The following PTRHD1 variants were observed in gnomAD, a reference collection of about 807,000 sequenced individuals.
The protein encoded by PTRHD1 is putative peptidyl-tRNA hydrolase PTRHD1.
Under a neutral mutation model 13.6 loss-of-function variants are expected in PTRHD1, and 12 were observed. The ratio of observed to expected loss-of-function variants is 0.88; its 90% confidence interval spans 0.57 to 1.43. The LOEUF (loss-of-function observed/expected upper bound fraction) is 1.43. Among genes scored for constraint, PTRHD1 ranks in the 40% most tolerant of loss-of-function variants. The pLI, the probability that PTRHD1 is intolerant of heterozygous loss-of-function variation, is 0.00. For synonymous variants in PTRHD1, 86 were observed against 79.5 expected (o/e 1.08, Z -0.43); for missense variants, 203 against 184.7 (o/e 1.10, Z -0.57).
intron 1 of PTRHD1, chr2:24,792,594 G>A (rs963701429): frequency 6.4e-6 from 1 of 155,184 alleles, no homozygotes; most frequent in Admixed American, 6.4e-5. Flanking sequence ...TCTAGCAGCA[G>A]GATAGAGAGT....
chr2:24,793,013 A>T, intron 1 of PTRHD1, 113 bp downstream of exon 1: 1 of 1,271,070 alleles, frequency 7.9e-7, no homozygotes. Flanking sequence ...AATGTTAACG[A>T]TCACCCCAAC....
chr2:24,792,252 C>T (rs1357467154), intron 1 of PTRHD1: 1 of 152,170 alleles, frequency 6.6e-6, no homozygotes, highest in African/African-American at 2.4e-5. Flanking sequence ...TGAGTTCTGG[C>T]TTAAAGCCGT....
chr2:24,790,177 G>T lies in PTRHD1; in HGVS notation c.*234C>A. 2.1e-6 allele frequency: 1 copy of T among 478,434 alleles called. No homozygotes were observed. Among genetic ancestry groups the T allele is most frequent in the Non-Finnish European group, 3.7e-6 (1 of 273,892 alleles). 29.6% of individuals were successfully genotyped at this position (478,434 alleles called of 1,614,324 possible). ...GAGTTTCCTTGAGCCCCACAGGAGA[G>T]TCTAACCAAATCTTCTATTTGAGCA... is the stretch of plus-strand genomic sequence containing the variant. On this transcript the variant is annotated 3_prime_UTR_variant, in exon 2 of 2. Transcript: ENST00000328379.
At position 24,790,540 on chromosome 2, in the gene PTRHD1, C is replaced by T; in HGVS notation, c.294G>A (p.Leu98=). 1 of 1,614,142 alleles carries T rather than the reference C, an allele frequency of 6.2e-7. No homozygotes were observed. Among genetic ancestry groups the T allele is most frequent in the Non-Finnish European group, 8.5e-7 (1 of 1,180,030 alleles). The change falls in exon 2 of 2, where the codon CTG becomes CTA. Residue 98 remains leucine (L), a synonymous_variant. Transcript: ENST00000328379. ...ETTLKELAET[L]QQKNIDHMLW... ...GCATGTGGTCAATGTTCTTCTGTTG[C>T]AGGGTCTCGGCCAGCTCCTTTAGGG...
At chr2:24,792,049 A>G (rs1307948961) in intron 1 of PTRHD1, among the ~76,000 whole-genome samples, 1 of 152,174 alleles carries the variant, frequency 6.6e-6, no homozygotes, top group Non-Finnish European at 1.5e-5. Context: ...GTCTAACCTG[A>G]TTTCTTGAGA....
Position 24,789,816 on chromosome 2 carries a change from T to C in PTRHD1, c.*595A>G, listed in dbSNP as rs1665585704. The C allele has an allele frequency of 6.6e-6, 1 of 152,532 alleles. No individual in the cohort carries two copies. Among genetic ancestry groups the C allele is most frequent in the Admixed American group, 6.5e-5 (1 of 15,312 alleles). The allele number at this position is 152,532 out of a possible 1,614,324, so 9.4% of individuals were successfully genotyped here. A position where few individuals can be genotyped will look rare whatever the true frequency, so the allele number is the denominator to read the frequency against. On this transcript the variant is annotated 3_prime_UTR_variant, in exon 2 of 2. Coordinates refer to ENST00000328379, the MANE Select transcript of PTRHD1 (RefSeq NM_001013663.2). ...CACACAAATTTTAACTTGTTATTAA[T>C]CTTTATAGAGACAGTGTCTCACTCT...
At chr2:24,792,908 C>T (rs1665669052) in intron 1 of PTRHD1, 1 of 618,452 alleles carries the variant, frequency 1.6e-6, no homozygotes, top group African/African-American at 1.8e-5. Context: ...CACCACTTTA[C>T]CGCGAGCCCA....
At chr2:24,791,892 AG>A (rs1449387883) in intron 1 of PTRHD1, among the ~76,000 whole-genome samples, 1 of 152,216 alleles carries the variant, frequency 6.6e-6, no homozygotes, top group Admixed American at 6.5e-5. Flanking sequence ...TTCTGACTAC[AG>A]CGGCACCTCA....
rs761269433 is a variant in PTRHD1 at position 24,790,556 on chromosome 2, T to C, written c.278A>G (p.Glu93Gly). ...CTTCTGTTGCAGGGTCTCGGCCAGC[T>C]CCTTTAGGGTGGTCTCATCTGGGGC... ...LEAPDETTLKELAETLQQKNI... is the reference protein window; with the variant it reads ...LEAPDETTLKGLAETLQQKNI... The change falls in exon 2 of 2, where the codon GAG (glutamate) becomes GGG (glycine). Residue 93 changes from glutamate to glycine, a missense_variant. Physicochemically the swap from Glu to Gly is moderately conservative, Grantham distance 98 (BLOSUM62 -2). Transcript: ENST00000328379. 6.2e-7 allele frequency: 1 copy of C among 1,614,018 alleles called. No individual in the cohort carries two copies. Among genetic ancestry groups the C allele is most frequent in the Non-Finnish European group, 8.5e-7 (1 of 1,179,998 alleles).
intron 1 of PTRHD1, among the ~76,000 whole-genome samples, chr2:24,791,833 A>T (rs896427714): frequency 6.6e-6 from 1 of 152,250 alleles, no homozygotes; most frequent in African/African-American, 2.4e-5. Context: ...CACACTAAGC[A>T]CTCAATAAAT....
chr2:24,791,660 T>C (rs966555464), intron 1 of PTRHD1: 69 of 152,330 alleles, frequency 4.5e-4, no homozygotes, highest in African/African-American at 1.6e-3. Flanking sequence ...CATAGTGAGA[T>C]ACAGTGAGGC....
In PTRHD1 at chr2:24,789,883, G is replaced by A. The variant is rs746032075; in HGVS notation, c.*528C>T. 6.5e-6 allele frequency: 1 copy of A among 154,450 alleles called. No individual in the cohort carries two copies. Among genetic ancestry groups the A allele is most frequent in the African/African-American group, 2.4e-5 (1 of 41,444 alleles). 9.6% of individuals were successfully genotyped at this position (154,450 alleles called of 1,614,324 possible). A position where few individuals can be genotyped will look rare whatever the true frequency, so the allele number is the denominator to read the frequency against. ...TGCGGTGGCATGATTAGAACTGACT[G>A]TAACCTTGAACTCATGGGCTCAAGC... On this transcript the variant is annotated 3_prime_UTR_variant, in exon 2 of 2. Transcript: ENST00000328379.
chr2:24,792,027 G>A (rs1339300321), intron 1 of PTRHD1, among the ~76,000 whole-genome samples: 1 of 152,146 alleles, frequency 6.6e-6, no homozygotes, highest in Non-Finnish European at 1.5e-5. Flanking sequence ...AGTTTCACCT[G>A]CGACAAGAGG....
In PTRHD1 at chr2:24,793,283, C is replaced by T. The variant is rs1408671790; in HGVS notation, c.95G>A (p.Arg32Gln). 4 of 1,613,962 alleles carry T rather than the reference C, an allele frequency of 2.5e-6. No homozygotes were observed. The highest frequency in any genetic ancestry group is 3.4e-6 in the Non-Finnish European group (4 of 1,180,040). Residue 32 changes from arginine (R) to glutamine (Q), a missense_variant, in exon 1 of 2, where the codon CGA becomes CAA. By Grantham distance (43) the Arg-to-Gln change is conservative. Transcript: ENST00000328379. The stretch of plus-strand genomic sequence containing the variant: ...GAACGGAGCTTGTGATAGATCCTTT[C>T]GTAACACCAAGTATTGTACCAGGAC... ...PQVLVQYLVLRKDLSQAPFSW... is the reference protein window; with the variant it reads ...PQVLVQYLVLQKDLSQAPFSW...
rs1419233799 is a variant in PTRHD1 at position 24,790,429 on chromosome 2, C to T, written c.405G>A (p.Lys135=). 2 of 1,614,040 alleles carry T rather than the reference C, an allele frequency of 1.2e-6. No individual in the cohort carries two copies. The highest frequency in any genetic ancestry group is 1.1e-5 in the South Asian group (1 of 91,052). ...PKEEVGQYLK[K]FRLFK ...GCAGCAGTTACTTGAACAATCGGAA[C>T]TTCTTCAAATACTGGCCCACTTCTT... Residue 135 remains lysine, a synonymous_variant, in exon 2 of 2, where the codon AAG becomes AAA. Coordinates refer to ENST00000328379, the MANE Select transcript of PTRHD1 (RefSeq NM_001013663.2).
rs200526927 is a variant in PTRHD1 at position 24,793,325 on chromosome 2, G to C, written c.53C>G (p.Ser18Cys). Residue 18 changes from serine (S) to cysteine (C), a missense_variant, in exon 1 of 2, where the codon TCT becomes TGT. Coordinates refer to ENST00000328379, the MANE Select transcript of PTRHD1 (RefSeq NM_001013663.2). Reference protein sequence around the residue: ...AFRVVRKMAASGAEPQVLVQY... With the variant: ...AFRVVRKMAACGAEPQVLVQY... ...TACCAGGACCTGCGGCTCCGCCCCA[G>C]AGGCCGCCATCTTCCTGACCACCCG... 4 of 1,613,858 alleles carry C rather than the reference G, an allele frequency of 2.5e-6. No homozygotes were observed. The African/African-American group carries it at 4.0e-5, about 16-fold the overall frequency.
intron 1 of PTRHD1, chr2:24,792,391 T>C (rs1026280395): frequency 6.6e-6 from 1 of 152,236 alleles, no homozygotes; most frequent in Non-Finnish European, 1.5e-5. Context: ...CACCATGCAC[T>C]ACTTAATATG....
At chr2:24,791,625 T>A (rs988001231) in intron 1 of PTRHD1, 2 of 152,214 alleles carry the variant, frequency 1.3e-5, no homozygotes, top group Non-Finnish European at 2.9e-5. Flanking sequence ...CTCATCAGCT[T>A]CTTCAGCCTC....
At chr2:24,793,088 G>A (rs755957492) in intron 1 of PTRHD1, 38 bp downstream of exon 1, 15 of 1,593,282 alleles carry the variant, frequency 9.4e-6, no homozygotes, top group Non-Finnish European at 1.3e-5. Context: ...TTCCGCCCTC[G>A]ATGTCTCAGC....
Sources: gnomAD v4.1 joint callset for allele counts (sites outside exome capture counted in the v4.1 genomes callset) on GRCh38, gnomAD v4.1.1 for gene constraint, MANE v1.5 for transcripts, NCBI Gene and HGNC (gene_info 2026-07-23, HGNC 2026-07-21) for gene names.